The following HS6ST1 variants were observed in gnomAD, a reference collection of about 807,000 sequenced individuals.
HS6ST1 encodes heparan-sulfate 6-O-sulfotransferase 1.
A neutral mutation model predicts 25.2 loss-of-function variants in HS6ST1; 3 were observed. The ratio of observed to expected loss-of-function variants is 0.12; its 90% CI spans 0.05 to 0.31. The LOEUF is 0.31. Among genes scored for constraint, HS6ST1 ranks in the 10% least tolerant of loss-of-function variants. HS6ST1 has a pLI of 1.00. For missense variants in HS6ST1, 310 were observed against 609.6 expected, an observed-to-expected ratio of 0.51 and a Z score of 5.18; for synonymous variants, 204 against 275.1, an observed-to-expected ratio of 0.74 and a Z score of 2.56.
chr2:128,312,454 C>T (rs67592012), intron 1 of HS6ST1, among the ~76,000 whole-genome samples: 42,290 of 152,196 alleles, frequency 0.28, 7,046 homozygotes, highest in East Asian at 0.77. Flanking sequence ...GCCAGCCTCT[C>T]TACATGCCCC....
chr2:128,295,583 A>G (rs372249185), intron 1 of HS6ST1, among the ~76,000 whole-genome samples: 2 of 152,358 alleles, frequency 1.3e-5, no homozygotes, highest in South Asian at 4.1e-4. Context: ...AAAATTACAC[A>G]CTGATGTCCT....
At chr2:128,310,055 C>T (rs1694265252) in intron 1 of HS6ST1, among the ~76,000 whole-genome samples, 1 of 152,088 alleles carries the variant, frequency 6.6e-6, no homozygotes, top group African/African-American at 2.4e-5. Context: ...CTATCTGGGC[C>T]CATGAGACCC....
intron 1 of HS6ST1, among the ~76,000 whole-genome samples, chr2:128,301,741 C>G (rs1246679507): frequency 2.6e-5 from 4 of 152,166 alleles, no homozygotes; most frequent in Non-Finnish European, 5.9e-5. Context: ...CTCTCACCCT[C>G]AGGGGTACAT....
intron 1 of HS6ST1, among the ~76,000 whole-genome samples, chr2:128,283,343 C>G (rs1011605582): frequency 4.6e-5 from 7 of 152,248 alleles, no homozygotes; most frequent in Admixed American, 2.0e-4. Context: ...CAGAGCTCAG[C>G]AGTGCTCACA....
chr2:128,285,734 C>T (rs1051904490), intron 1 of HS6ST1, among the ~76,000 whole-genome samples: 1 of 152,170 alleles, frequency 6.6e-6, no homozygotes, highest in African/African-American at 2.4e-5. Flanking sequence ...GGTGGGTGTC[C>T]CTGCCTGCCA....
rs146616866 is a variant in HS6ST1, at chr2:128,269,144, T to G, written c.528-274A>C. On this transcript the variant is annotated intron_variant, in intron 1 of 1. Coordinates refer to ENST00000259241, the MANE Select transcript of HS6ST1 (RefSeq NM_004807.3). ...GGACAACCTGACTTTTTCCTGCTGG[T>G]GGGTGGAGCCACCAATACCGCATCC... 3.4e-3 allele frequency among the ~76,000 whole-genome samples: 514 copies of G among 152,338 alleles called. 2 individuals are homozygous for G. The highest frequency in any genetic ancestry group is 0.011 in the African/African-American group (473 of 41,588).
At chr2:128,270,053 T>A (rs1013870472) in intron 1 of HS6ST1, among the ~76,000 whole-genome samples, 2 of 152,302 alleles carry the variant, frequency 1.3e-5, no homozygotes, top group South Asian at 4.1e-4. Flanking sequence ...CCCCCGCCTA[T>A]GAGGACATGT....
intron 1 of HS6ST1, among the ~76,000 whole-genome samples, chr2:128,300,499 G>A (rs1222770575): frequency 1.3e-5 from 2 of 152,214 alleles, no homozygotes; most frequent in Admixed American, 6.5e-5. Context: ...CTGTGTGCAC[G>A]GGGGTATCTC....
At chr2:128,303,451 C>T (rs1694163890) in intron 1 of HS6ST1, among the ~76,000 whole-genome samples, 1 of 152,252 alleles carries the variant, frequency 6.6e-6, no homozygotes, top group Non-Finnish European at 1.5e-5. Context: ...ACAGTAAGAA[C>T]AAAACCGAAG....
intron 1 of HS6ST1, among the ~76,000 whole-genome samples, chr2:128,298,855 CACA>C (rs1298756588): frequency 1.3e-5 from 2 of 152,206 alleles, no homozygotes; most frequent in Non-Finnish European, 2.9e-5. Context: ...AAGGCTTTCC[CACA>C]ACGAGTGTCC....
intron 1 of HS6ST1, among the ~76,000 whole-genome samples, chr2:128,317,211 C>T (rs56765426): frequency 0.09 from 13,779 of 152,296 alleles, 681 homozygotes; most frequent in African/African-American, 0.12. Flanking sequence ...TGCCCCGGCA[C>T]CCCTCCCATG....
intron 1 of HS6ST1, among the ~76,000 whole-genome samples, chr2:128,308,964 G>T (rs912293506): frequency 6.6e-6 from 1 of 152,196 alleles, no homozygotes; most frequent in South Asian, 2.1e-4. Context: ...GGAACTGTGG[G>T]TATAATTCCA....
At chr2:128,294,423 G>A (rs1468059118) in intron 1 of HS6ST1, among the ~76,000 whole-genome samples, 1 of 152,190 alleles carries the variant, frequency 6.6e-6, no homozygotes, top group African/African-American at 2.4e-5. Context: ...TGTCTACTGG[G>A]TAGGTGGGAC....
intron 1 of HS6ST1, among the ~76,000 whole-genome samples, chr2:128,286,026 C>T (rs1039578487): frequency 7.2e-5 from 11 of 152,196 alleles, no homozygotes; most frequent in African/African-American, 2.7e-4. Context: ...CCCCTCTGAG[C>T]CCCAGGGACT....
chr2:128,271,333 G>A (rs1276444721), intron 1 of HS6ST1, among the ~76,000 whole-genome samples: 1 of 152,176 alleles, frequency 6.6e-6, no homozygotes. Context: ...CATGTCTGGA[G>A]CCACCTAGCC....
intron 1 of HS6ST1, among the ~76,000 whole-genome samples, chr2:128,301,401 T>A (rs1287947750): frequency 6.6e-6 from 1 of 152,158 alleles, no homozygotes; most frequent in Non-Finnish European, 1.5e-5. Context: ...TGACAGCAGA[T>A]CGTCTTTGGA....
At chr2:128,297,289 T>C (rs970974556) in intron 1 of HS6ST1, among the ~76,000 whole-genome samples, 1 of 152,194 alleles carries the variant, frequency 6.6e-6, no homozygotes, top group African/African-American at 2.4e-5. Context: ...CACACTCTTT[T>C]CAACAAATGG....
intron 1 of HS6ST1, among the ~76,000 whole-genome samples, chr2:128,301,903 T>TGGCC (rs767020920): frequency 5.9e-5 from 9 of 152,198 alleles, no homozygotes; most frequent in Non-Finnish European, 1.3e-4. Flanking sequence ...GACACCATGC[T>TGGCC]GGCCGGTGTC....
chr2:128,295,344 C>T (rs1670514951), intron 1 of HS6ST1, among the ~76,000 whole-genome samples: 1 of 152,224 alleles, frequency 6.6e-6, no homozygotes, highest in Admixed American at 6.5e-5. Context: ...GAGGTGAAGG[C>T]CCTTGCTCAG....
Sources: gnomAD v4.1 joint callset for allele counts (sites outside exome capture counted in the v4.1 genomes callset) on GRCh38, gnomAD v4.1.1 for gene constraint, MANE v1.5 for transcripts, NCBI Gene and HGNC (gene_info 2026-07-23, HGNC 2026-07-21) for gene names.